Variants in FHIT observed in about 807,000 individuals in gnomAD.
FHIT encodes bis(5'-adenosyl)-triphosphatase.
FHIT carries 19 observed loss-of-function variants against 17.9 expected under a neutral mutation model. The observed-to-expected ratio is 1.06, with a 90% CI of 0.74 to 1.56. The LOEUF (loss-of-function observed/expected upper bound fraction) is 1.56, where lower values mean the gene tolerates loss of function less well. Among genes scored for constraint, FHIT ranks in the 40% most tolerant of loss-of-function variants. FHIT has a pLI of 0.00. For missense variants in FHIT, 248 were observed against 189.2 expected, an observed-to-expected ratio of 1.31 and a Z score of -1.82; for synonymous variants, 81 against 69.7, an observed-to-expected ratio of 1.16 and a Z score of -0.81.
intron 5 of FHIT, among the ~76,000 whole-genome samples, chr3:60,156,658 G>A (rs1043816058): frequency 1.5e-4 from 23 of 152,176 alleles, no homozygotes; most frequent in African/African-American, 5.3e-4. Flanking sequence ...AGGCTGAGGT[G>A]AGAGGATTAC....
intron 1 of FHIT, among the ~76,000 whole-genome samples, chr3:61,250,331 T>A (rs1470864404): frequency 1.3e-5 from 2 of 152,246 alleles, no homozygotes; most frequent in South Asian, 2.1e-4. Flanking sequence ...CCACCCTTGG[T>A]AGTCTGGGCC....
chr3:60,452,236 C>T (rs1402460053), intron 5 of FHIT, among the ~76,000 whole-genome samples: 1 of 152,114 alleles, frequency 6.6e-6, no homozygotes, highest in African/African-American at 2.4e-5. Context: ...TAAAATCACA[C>T]TAATTTGGAC....
chr3:60,922,146 T>C (rs1281236841), intron 3 of FHIT, among the ~76,000 whole-genome samples: 2 of 151,976 alleles, frequency 1.3e-5, no homozygotes, highest in East Asian at 1.9e-4. Context: ...CATGGTGGGG[T>C]CTCTGAAAAT....
At chr3:59,921,530 G>A (rs1447095612) in intron 8 of FHIT, among the ~76,000 whole-genome samples, 8 of 152,164 alleles carry the variant, frequency 5.3e-5, no homozygotes, top group Admixed American at 5.2e-4. Flanking sequence ...ATTTTTCCTT[G>A]CATCCACAAA....
At chr3:60,905,904 T>TAGTTTTGACTTGAACCAGGTA (rs1166680630) in intron 3 of FHIT, among the ~76,000 whole-genome samples, 1 of 152,162 alleles carries the variant, frequency 6.6e-6, no homozygotes, top group African/African-American at 2.4e-5. Context: ...TTTTTTTTTC[T>TAGTTTTGACTTGAACCAGGTA]AGTTTTGACT....
chr3:60,941,599 T>G (rs1484300575), intron 3 of FHIT, among the ~76,000 whole-genome samples: 2 of 152,212 alleles, frequency 1.3e-5, no homozygotes, highest in Admixed American at 1.3e-4. Context: ...CTACTGACTA[T>G]GTTCTTAGGA....
chr3:60,277,247 G>A (rs2107639041), intron 5 of FHIT, among the ~76,000 whole-genome samples: 1 of 152,260 alleles, frequency 6.6e-6, no homozygotes, highest in Non-Finnish European at 1.5e-5. Flanking sequence ...GGAAGCTGCA[G>A]ATATAGGCGT....
At chr3:59,818,949 C>T (rs1025655108) in intron 8 of FHIT, among the ~76,000 whole-genome samples, 5 of 152,230 alleles carry the variant, frequency 3.3e-5, no homozygotes, top group African/African-American at 9.7e-5. Flanking sequence ...GCAATGACTA[C>T]TCTGTGTCAG....
chr3:60,675,735 G>T (rs1422409413), intron 4 of FHIT, among the ~76,000 whole-genome samples: 1 of 152,124 alleles, frequency 6.6e-6, no homozygotes, highest in East Asian at 1.9e-4. Flanking sequence ...ACACTGGCTT[G>T]CAAATGCATC....
intron 8 of FHIT, among the ~76,000 whole-genome samples, chr3:59,844,144 T>C (rs1279849475): frequency 2.0e-5 from 3 of 152,182 alleles, no homozygotes; most frequent in Non-Finnish European, 4.4e-5. Flanking sequence ...TTGTGTGACT[T>C]TCAGAACTGT....
intron 2 of FHIT, among the ~76,000 whole-genome samples, chr3:61,173,848 C>T (rs895457866): frequency 6.6e-6 from 1 of 152,220 alleles, no homozygotes; most frequent in Non-Finnish European, 1.5e-5. Flanking sequence ...AAGCCCAGTA[C>T]CTACTGAGTC....
At chr3:60,441,757 A>C (rs1242483181) in intron 5 of FHIT, among the ~76,000 whole-genome samples, 6 of 55,940 alleles carry the variant, frequency 1.1e-4, no homozygotes, top group Admixed American at 8.2e-4. Context: ...TATATATAAA[A>C]ATATATATAT....
At chr3:60,269,367 A>G (rs1321177390) in intron 5 of FHIT, among the ~76,000 whole-genome samples, 1 of 152,126 alleles carries the variant, frequency 6.6e-6, no homozygotes. Flanking sequence ...TTCCATTTGA[A>G]ATAGTTTTCT....
chr3:61,184,384 C>T (rs2038440058), intron 2 of FHIT, among the ~76,000 whole-genome samples: 1 of 152,050 alleles, frequency 6.6e-6, no homozygotes, highest in Non-Finnish European at 1.5e-5. Flanking sequence ...CACTGACTTC[C>T]TTGAGATGGG....
chr3:60,410,571 C>T (rs67250496), intron 5 of FHIT, among the ~76,000 whole-genome samples: 30,692 of 151,986 alleles, frequency 0.2, 3,778 homozygotes, highest in East Asian at 0.48. Context: ...TTAGCATAAG[C>T]AAATAACACC....
At chr3:61,143,109 T>G (rs151267908) in intron 2 of FHIT, among the ~76,000 whole-genome samples, 82 of 152,260 alleles carry the variant, frequency 5.4e-4, no homozygotes, top group African/African-American at 1.9e-3. Flanking sequence ...GATACAAGTT[T>G]GAGGGAAAAG....
At chr3:60,233,401 G>A (rs368946116) in intron 5 of FHIT, among the ~76,000 whole-genome samples, 82 of 151,972 alleles carry the variant, frequency 5.4e-4, no homozygotes, top group African/African-American at 1.9e-3. Context: ...GCCTTAGAGG[G>A]CTCCTCCCCA....
rs189108583 is a variant in FHIT, at chr3:60,394,124, T to C, written c.103+142736A>G. Among the ~76,000 whole-genome samples, 125 of 151,988 alleles carry C rather than the reference T, an allele frequency of 8.2e-4. 1 individual carries two copies. Among genetic ancestry groups the C allele is most frequent in the Admixed American group, 6.4e-3 (98 of 15,242 alleles). On this transcript the variant is annotated intron_variant, in intron 5 of 9. Coordinates refer to ENST00000492590, the MANE Select transcript of FHIT (RefSeq NM_002012.4). ...TGGGGGAAGGATGTGTAAGATAGAG[T>C]AAAACACTGAATGTACTGGTTTGAC...
intron 7 of FHIT, among the ~76,000 whole-genome samples, chr3:59,985,581 T>C (rs1159832287): frequency 1.3e-5 from 2 of 152,168 alleles, no homozygotes; most frequent in Non-Finnish European, 2.9e-5. Flanking sequence ...CTTTACCATT[T>C]GGCATTTCCC....
Sources: allele counts gnomAD v4.1 joint callset (sites outside exome capture counted in the v4.1 genomes callset), GRCh38; gene constraint gnomAD v4.1.1; transcripts MANE v1.5; gene names NCBI Gene and HGNC (gene_info 2026-07-23, HGNC 2026-07-21).